KLRG1: variants seen among roughly 807,000 people sequenced by gnomAD.
The protein encoded by KLRG1 is killer cell lectin-like receptor subfamily G member 1.
In KLRG1, 16 loss-of-function variants were observed where a neutral mutation model predicts 21.8. The observed-to-expected ratio is 0.73, with a 90% confidence interval of 0.50 to 1.11. The LOEUF (loss-of-function observed/expected upper bound fraction) is 1.11, where lower values mean the gene tolerates loss of function less well. KLRG1 is among the 50% of genes most tolerant of loss of function. KLRG1 has a pLI of 0.00. For missense variants in KLRG1, 173 were observed against 218.3 expected (o/e 0.79, Z 1.31); for synonymous variants, 69 against 75.9 (o/e 0.91, Z 0.47).
chr12:9,009,458 G>A lies in KLRG1; in HGVS notation c.491G>A (p.Gly164Asp). The change falls in exon 5 of 5, where the codon GGT (glycine) becomes GAT (aspartate). Residue 164 changes from glycine to aspartate, a missense_variant. Physicochemically the swap from Gly to Asp is moderately conservative, Grantham distance 94. This residue lies in a region of KLRG1 where 26 missense variants were observed against 36.9 expected (regional missense o/e 0.70). Coordinates refer to ENST00000356986, the MANE Select transcript of KLRG1 (RefSeq NM_005810.4). ...TCTAATAGCTTTGTGCAGACATGCG[G>A]TGCCATCAACAAAAATGGTCTTCAA... Reference protein sequence around the residue: ...ISSNSFVQTCGAINKNGLQAS... With the variant: ...ISSNSFVQTCDAINKNGLQAS... 4 of 1,613,832 alleles carry A rather than the reference G, an allele frequency of 2.5e-6. No individual in the cohort carries two copies. The highest frequency in any genetic ancestry group is 3.4e-6 in the Non-Finnish European group (4 of 1,179,878).
At chr12:9,003,093 C>G (rs1323703948) in intron 3 of KLRG1, among the ~76,000 whole-genome samples, 1 of 152,022 alleles carries the variant, frequency 6.6e-6, no homozygotes, top group Non-Finnish European at 1.5e-5. Context: ...ACTGACTGAT[C>G]AAGTGATTTA....
At chr12:9,090,908 G>C in the KLRG1 span, among the ~76,000 whole-genome samples, 1 of 152,158 alleles carries the variant, frequency 6.6e-6, no homozygotes, top group Non-Finnish European at 1.5e-5. Context: ...AAATATATGA[G>C]ATCGTAGAGG....
chr12:9,200,822 A>G, the KLRG1 span: 2 of 1,476,964 alleles, frequency 1.4e-6, no homozygotes, highest in African/African-American at 1.4e-5. Flanking sequence ...CAGGAAATTC[A>G]AAGGATCTAA....
At chr12:9,209,992 A>G in the KLRG1 span, among the ~76,000 whole-genome samples, 9 of 152,144 alleles carry the variant, frequency 5.9e-5, no homozygotes, top group African/African-American at 2.2e-4. Flanking sequence ...GATTCTTCAT[A>G]GTTTTCAACA....
the KLRG1 span, among the ~76,000 whole-genome samples, chr12:9,048,262 T>C: frequency 6.6e-6 from 1 of 152,178 alleles, no homozygotes; most frequent in African/African-American, 2.4e-5. Context: ...AACATACTTC[T>C]AAATGACATA....
chr12:9,180,911 G>A, the KLRG1 span: 3 of 1,521,310 alleles, frequency 2.0e-6, no homozygotes, highest in Non-Finnish European at 2.6e-6. Flanking sequence ...TCTGACAAAG[G>A]GCTAATAGAG....
chr12:9,193,467 A>G, the KLRG1 span, among the ~76,000 whole-genome samples: 1 of 152,242 alleles, frequency 6.6e-6, no homozygotes, highest in Admixed American at 6.5e-5. Flanking sequence ...TTTAAAGTGT[A>G]GGGACACTAT....
the KLRG1 span, chr12:9,153,364 A>G: frequency 6.3e-7 from 1 of 1,593,922 alleles, no homozygotes; most frequent in East Asian, 2.2e-5. Context: ...CGAGTGGACA[A>G]CCGCCCCAAA....
At chr12:8,986,501 T>A (rs1305718327), upstream of KLRG1, among the ~76,000 whole-genome samples, 1 of 152,198 alleles carries the variant, frequency 6.6e-6, no homozygotes, top group African/African-American at 2.4e-5. Flanking sequence ...TTCAACACTG[T>A]CATTTATTTT....
At chr12:9,183,144 AATACCCT>A in the KLRG1 span, among the ~76,000 whole-genome samples, 3 of 152,226 alleles carry the variant, frequency 2.0e-5, no homozygotes, top group Non-Finnish European at 1.5e-5. Context: ...AATTAAGTCT[AATACCCT>A]TAGGAATATT....
chr12:9,206,841 A>G, the KLRG1 span, among the ~76,000 whole-genome samples: 1 of 152,158 alleles, frequency 6.6e-6, no homozygotes, highest in Non-Finnish European at 1.5e-5. Context: ...GTAGTGTAGG[A>G]ATGCATCCAG....
At chr12:9,113,087 T>C in the KLRG1 span, among the ~76,000 whole-genome samples, 1 of 142,644 alleles carries the variant, frequency 7.0e-6, no homozygotes, top group Non-Finnish European at 1.5e-5. Context: ...CCATCTTAAT[T>C]TTAAGAAGTC....
the KLRG1 span, among the ~76,000 whole-genome samples, chr12:9,139,477 T>C: frequency 1.3e-5 from 2 of 152,190 alleles, no homozygotes; most frequent in East Asian, 1.9e-4. Context: ...GCTGTTTTCT[T>C]ATGGATACAG....
At chr12:9,194,554 T>C in the KLRG1 span, among the ~76,000 whole-genome samples, 6 of 144,952 alleles carry the variant, frequency 4.1e-5, no homozygotes, top group African/African-American at 1.5e-4. Flanking sequence ...AAGCTCTGCC[T>C]CCTGGACTCA....
the KLRG1 span, among the ~76,000 whole-genome samples, chr12:9,026,838 G>A: frequency 1.3e-5 from 2 of 151,532 alleles, no homozygotes; most frequent in Non-Finnish European, 2.9e-5. Context: ...TACATTTTAA[G>A]TTTTAAAAAA....
At chr12:9,052,552 A>G in the KLRG1 span, among the ~76,000 whole-genome samples, 1 of 152,158 alleles carries the variant, frequency 6.6e-6, no homozygotes, top group Admixed American at 6.5e-5. Context: ...TTGCTTTTAC[A>G]TACTTTCTCT....
the KLRG1 span, chr12:9,152,980 T>A: frequency 3.1e-6 from 5 of 1,613,776 alleles, no homozygotes; most frequent in Non-Finnish European, 4.2e-6. Context: ...ACTATCAGTT[T>A]CTCTCTTTTT....
the KLRG1 span, among the ~76,000 whole-genome samples, chr12:9,160,817 A>T: frequency 7.9e-5 from 12 of 152,030 alleles, no homozygotes; most frequent in Non-Finnish European, 2.9e-5. Flanking sequence ...CGGGAGGCTG[A>T]GGCAGGAGAA....
chr12:9,197,050 A>G, the KLRG1 span: 4 of 1,613,720 alleles, frequency 2.5e-6, no homozygotes, highest in Non-Finnish European at 3.4e-6. Context: ...TGCTTGTCAC[A>G]ATTAAGAACA....
Sources: allele counts gnomAD v4.1 joint callset (sites outside exome capture counted in the v4.1 genomes callset), GRCh38; gene constraint gnomAD v4.1.1; regional missense constraint gnomAD v4.1.1; transcripts MANE v1.5; gene names NCBI Gene and HGNC (gene_info 2026-07-23, HGNC 2026-07-21).